The following PZP variants were observed in gnomAD, a reference collection of about 807,000 sequenced individuals.
The protein encoded by PZP is pregnancy zone protein.
PZP carries 150 observed loss-of-function variants against 179.8 expected under a neutral mutation model. That is an observed-to-expected ratio of 0.83 (90% CI 0.73 to 0.96). PZP has a LOEUF of 0.96. Ranked by LOEUF, PZP falls within the 40% of genes least tolerant of loss-of-function variation. The pLI, the probability that PZP is intolerant of heterozygous loss-of-function variation, is 0.00. For synonymous variants in PZP, 624 were observed against 652.3 expected, an observed-to-expected ratio of 0.96 and a Z score of 0.66; for missense variants, 1,689 against 1,764.0, an observed-to-expected ratio of 0.96 and a Z score of 0.76.
chr12:9,158,835 C>T (rs769008364), intron 25 of PZP, among the ~76,000 whole-genome samples: 1 of 145,964 alleles, frequency 6.9e-6, no homozygotes, highest in South Asian at 2.1e-4. Context: ...CATTTCTATG[C>T]CACTTCAGAG....
At chr12:9,207,668 C>T (rs1048985609) in intron 1 of PZP, among the ~76,000 whole-genome samples, 6 of 152,146 alleles carry the variant, frequency 3.9e-5, no homozygotes. Context: ...ACTTTGAGAC[C>T]AAGGACTCTG....
intron 15 of PZP, 169 bp from the exon 16 acceptor site, chr12:9,169,760 G>A (rs1299159908): frequency 5.5e-6 from 3 of 550,226 alleles, no homozygotes; most frequent in African/African-American, 3.9e-5. Context: ...GTGTTGTTTT[G>A]TTATAAAGAA....
rs762286639 is a variant in PZP at position 9,201,003 on chromosome 12, T to C, written c.559A>G (p.Asn187Asp). The change falls in exon 6 of 36, where the codon AAT becomes GAT. Residue 187 changes from asparagine to aspartate, a missense_variant. Asn to Asp is a conservative substitution (Grantham distance 23). Around this residue, in one of 3 missense-constraint regions of PZP, gnomAD observed 742 missense variants for 730.5 expected, o/e 1.02. Transcript: ENST00000261336. ...WQSLKLEAGI[N>D]QLSFPLSSEP... is the part of the protein sequence containing the mutation. ...GATGAGAGGGGAAAGGACAACTGATTGATGCCAGCTTCTAGCTTGAGACTC... is the reference window on the plus strand; with the variant it reads ...GATGAGAGGGGAAAGGACAACTGATCGATGCCAGCTTCTAGCTTGAGACTC... 8.1e-6 allele frequency: 13 copies of C among 1,614,012 alleles called. No homozygotes were observed. In the South Asian group the frequency reaches 1.4e-4, roughly 18 times the overall value.
chr12:9,165,024 T>A, intron 19 of PZP, 115 bp downstream of exon 19: 2 of 1,282,060 alleles, frequency 1.6e-6, no homozygotes, highest in Non-Finnish European at 2.2e-6. Flanking sequence ...TTATTCACAG[T>A]GCTAACACAC....
chr12:9,159,572 A>T lies in PZP; in HGVS notation c.3137+366T>A, dbSNP rs189126337. ...TCCTAGATTAAAGGGCTATCATGAC[A>T]GTTGGACTGGTGGCTTCATAAGAAG... is the stretch of plus-strand genomic sequence containing the variant. On this transcript the variant is annotated intron_variant, in intron 25 of 35. Transcript: ENST00000261336. Among the ~76,000 whole-genome samples the T allele has an allele frequency of 4.6e-3, 695 of 152,210 alleles. 2 individuals carry two copies. Among genetic ancestry groups the T allele is most frequent in the Non-Finnish European group, 9.0e-3 (610 of 68,012 alleles).
chr12:9,150,300 T>A (rs1463765110), intron 34 of PZP, among the ~76,000 whole-genome samples: 1 of 152,240 alleles, frequency 6.6e-6, no homozygotes, highest in East Asian at 1.9e-4. Flanking sequence ...TTCTTTTTTT[T>A]GAGACGGAGT....
Position 9,182,017 on chromosome 12 carries a change from T to C in PZP, c.1647A>G (p.Gly549=). Residue 549 remains glycine (G), a synonymous_variant, in exon 14 of 36, where the codon GGA becomes GGG. Transcript: ENST00000261336. ...TTTCAATCTCAAATTTTTCAGAGTC[T>C]CCAACAACTTCTCCATCTGGTAAAA... is the stretch of plus-strand genomic sequence containing the variant. ...FAILPDGEVV[G]DSEKFEIENC... 4 of 1,613,964 alleles carry C rather than the reference T, an allele frequency of 2.5e-6. No individual in the cohort carries two copies. The highest frequency in any genetic ancestry group is 3.4e-6 in the Non-Finnish European group (4 of 1,179,924).
chr12:9,143,759 A>G, the PZP span, among the ~76,000 whole-genome samples: 1 of 152,140 alleles, frequency 6.6e-6, no homozygotes, highest in Non-Finnish European at 1.5e-5. Context: ...AAAAAGCCAA[A>G]CACTTTGGCT....
At chr12:9,189,095 G>A (rs1329055103) in intron 13 of PZP, among the ~76,000 whole-genome samples, 1 of 152,154 alleles carries the variant, frequency 6.6e-6, no homozygotes, top group African/African-American at 2.4e-5. Context: ...TAGATTTAAT[G>A]TTTTTCCTAT....
At position 9,180,305 on chromosome 12, in the gene PZP, AG is replaced by A. The variant is rs1942672562; in HGVS notation, c.1839+677del. ...ACAGAATTGGAAAAAACTACTTTAA[AG>A]TTCATATGGAACCAAAAAAGAGCCC... On this transcript the variant is annotated intron_variant, in intron 15 of 35. Coordinates refer to ENST00000261336, the MANE Select transcript of PZP (RefSeq NM_002864.3). 2.6e-5 allele frequency among the ~76,000 whole-genome samples: 4 copies of A among 152,140 alleles called. No individual in the cohort carries two copies. The South Asian group carries it at 8.3e-4, about 31-fold the overall frequency.
At chr12:9,142,396 G>C in the PZP span, among the ~76,000 whole-genome samples, 1 of 152,152 alleles carries the variant, frequency 6.6e-6, no homozygotes, top group Non-Finnish European at 1.5e-5. Context: ...ACACCTAATA[G>C]TATTTGGCAG....
chr12:9,170,275 CA>C lies in PZP; in HGVS notation c.1840-685del, dbSNP rs1205257812. On this transcript the variant is annotated intron_variant, in intron 15 of 35. Coordinates refer to ENST00000261336, the MANE Select transcript of PZP (RefSeq NM_002864.3). This position sits in a 1 kb window ranked among gnomAD's most constrained non-coding sequence, Gnocchi z 4.6. ...ATCACATTTCTCCCAAGGATCTCTG[CA>C]ACCCATGGATCAGGAGATACCCTTG... 3.3e-5 allele frequency among the ~76,000 whole-genome samples: 5 copies of C among 152,200 alleles called. No homozygotes were observed. Among genetic ancestry groups the C allele is most frequent in the African/African-American group, 1.2e-4 (5 of 41,430 alleles).
intron 15 of PZP, among the ~76,000 whole-genome samples, 154 bp downstream of exon 15, chr12:9,180,829 A>G (rs1942710754): frequency 6.6e-6 from 1 of 152,246 alleles, no homozygotes; most frequent in South Asian, 2.1e-4. Flanking sequence ...GAGCTTCTGC[A>G]CAGCAAAAGA....
rs1477527429 is a variant in PZP at position 9,200,901 on chromosome 12, C to T, written c.661G>A (p.Glu221Lys). ...CTTCCATAATCCATACCAAATTCCT[C>T]CACGGTGAAGGGGTGCTGTATCCTT... ...GGRIQHPFTV[E>K]EFVLPKFEVK... Residue 221 changes from glutamate to lysine, a missense_variant, in exon 6 of 36, where the codon GAG becomes AAG. Transcript: ENST00000261336. 1 of 1,611,882 alleles carries T rather than the reference C, an allele frequency of 6.2e-7. No homozygotes were observed. The highest frequency in any genetic ancestry group is 1.3e-5 in the African/African-American group (1 of 74,932).
intron 1 of PZP, among the ~76,000 whole-genome samples, chr12:9,207,603 T>C (rs1393212821): frequency 1.3e-5 from 2 of 152,154 alleles, no homozygotes; most frequent in Non-Finnish European, 2.9e-5. Flanking sequence ...ACTTCAACAG[T>C]GCATGCCAGC....
intron 1 of PZP, 104 bp downstream of exon 1, chr12:9,208,155 A>G (rs1944534738): frequency 2.6e-6 from 2 of 783,302 alleles, no homozygotes; most frequent in East Asian, 2.6e-5. Flanking sequence ...TTTGGAAGGT[A>G]TTGTAATGAG....
Position 9,182,072 on chromosome 12 carries a change from G to A in PZP, c.1592C>T (p.Ala531Val). ...AAAGATGAACATTCGTGCAATGGGGGCAACGTCTGACTCCACAGGGAAGGA... is the reference window on the plus strand; with the variant it reads ...AAAGATGAACATTCGTGCAATGGGGACAACGTCTGACTCCACAGGGAAGGA... ...ALSFPVESDVAPIARMFIFAI... is the reference protein window; with the variant it reads ...ALSFPVESDVVPIARMFIFAI... The change falls in exon 14 of 36, where the codon GCC becomes GTC. Residue 531 changes from alanine to valine, a missense_variant. Around this residue, in one of 3 missense-constraint regions of PZP, gnomAD observed 742 missense variants for 730.5 expected, o/e 1.02. Transcript: ENST00000261336. 1.2e-6 allele frequency: 2 copies of A among 1,613,726 alleles called. No individual in the cohort carries two copies. Among genetic ancestry groups the A allele is most frequent in the South Asian group, 1.1e-5 (1 of 91,022 alleles).
At chr12:9,178,987 C>T (rs1043592878) in intron 15 of PZP, among the ~76,000 whole-genome samples, 1 of 152,160 alleles carries the variant, frequency 6.6e-6, no homozygotes, top group African/African-American at 2.4e-5. Context: ...TACCAACCAA[C>T]ATTGAAAGGT....
At chr12:9,159,799 A>G in intron 25 of PZP, 139 bp downstream of exon 25, 1 of 751,896 alleles carries the variant, frequency 1.3e-6, no homozygotes, top group Non-Finnish European at 2.1e-6. Context: ...TCATAGCTAT[A>G]AGAAATAAAT....
Sources: allele counts gnomAD v4.1 joint callset (sites outside exome capture counted in the v4.1 genomes callset), GRCh38; gene constraint gnomAD v4.1.1; regional missense constraint gnomAD v4.1.1; non-coding constraint Gnocchi (gnomAD v3.1); transcripts MANE v1.5; gene names NCBI Gene and HGNC (gene_info 2026-07-23, HGNC 2026-07-21).